DAB1: variants seen among roughly 807,000 people sequenced by gnomAD.
DAB1 encodes the protein DAB adaptor protein 1, also known as disabled homolog 1.
Under a neutral mutation model 64.6 loss-of-function variants are expected in DAB1, and 15 were observed. That is an observed-to-expected ratio of 0.23 (90% CI 0.16 to 0.36). The LOEUF (loss-of-function observed/expected upper bound fraction) is 0.36. DAB1 is among the 10% of genes least tolerant of loss of function. The pLI is 1.00. For missense variants in DAB1, 596 were observed against 706.7 expected, an observed-to-expected ratio of 0.84 and a Z score of 1.78; for synonymous variants, 235 against 251.9, an observed-to-expected ratio of 0.93 and a Z score of 0.64.
At chr1:57,657,146 CA>C (rs1231123215) in intron 6 of DAB1, among the ~76,000 whole-genome samples, 1 of 152,150 alleles carries the variant, frequency 6.6e-6, no homozygotes, top group Non-Finnish European at 1.5e-5. Flanking sequence ...ATTAAGACCA[CA>C]AATCTCAATT....
At chr1:57,992,845 A>G (rs1337199476) in intron 5 of DAB1, among the ~76,000 whole-genome samples, 3 of 152,002 alleles carry the variant, frequency 2.0e-5, no homozygotes, top group Non-Finnish European at 2.9e-5. Context: ...TGAACCTCTC[A>G]GTGGCCAGGA....
intron 7 of DAB1, among the ~76,000 whole-genome samples, chr1:57,437,930 C>T (rs978884058): frequency 6.6e-6 from 1 of 152,224 alleles, no homozygotes; most frequent in African/African-American, 2.4e-5. Flanking sequence ...CTCCAGCCCC[C>T]GCTCTGCCTC....
chr1:57,812,076 T>C (rs889359051), intron 6 of DAB1, among the ~76,000 whole-genome samples: 3 of 151,958 alleles, frequency 2.0e-5, no homozygotes, highest in Non-Finnish European at 4.4e-5. Flanking sequence ...AAATAGAATT[T>C]CCTCTTCTGA....
At chr1:58,522,293 C>T (rs1646277009) in intron 2 of DAB1, among the ~76,000 whole-genome samples, 1 of 152,064 alleles carries the variant, frequency 6.6e-6, no homozygotes, top group African/African-American at 2.4e-5. Flanking sequence ...CAAACCTGCA[C>T]ATCTGCACAT....
chr1:57,886,163 C>CTTTTTTT (rs36101963), upstream of DAB1, among the ~76,000 whole-genome samples: 2 of 129,484 alleles, frequency 1.5e-5, no homozygotes, highest in Non-Finnish European at 1.6e-5. Context: ...GCCTACTATT[C>CTTTTTTT]TTTTTTTTTT....
chr1:57,467,943 T>C (rs1210919725), intron 7 of DAB1, among the ~76,000 whole-genome samples: 1 of 152,162 alleles, frequency 6.6e-6, no homozygotes, highest in African/African-American at 2.4e-5. Flanking sequence ...TCCCACTATT[T>C]ATTGAGCTCA....
Position 58,268,488 on chromosome 1 carries a change from G to A in DAB1, n.309+74864C>T, listed in dbSNP as rs186758455. Among the ~76,000 whole-genome samples the A allele has an allele frequency of 2.6e-5, 4 of 152,260 alleles. No homozygotes were observed. The East Asian group carries it at 7.7e-4, about 29-fold the overall frequency. ...GAAACATGAAGAAGGAACATTTCAAGTCCTCATAAAAGTAGAGCTTTTCCT... is the reference window on the plus strand; with the variant it reads ...GAAACATGAAGAAGGAACATTTCAAATCCTCATAAAAGTAGAGCTTTTCCT... On this transcript the variant is annotated intron_variant and non_coding_transcript_variant, in intron 4 of 20. Transcript: ENST00000485760.
intron 7 of DAB1, among the ~76,000 whole-genome samples, chr1:57,437,122 T>C (rs972285459): frequency 6.0e-5 from 9 of 150,842 alleles, no homozygotes; most frequent in South Asian, 4.2e-4. Context: ...GATAGAGAAA[T>C]GCAAGCTTCA....
intron 2 of DAB1, among the ~76,000 whole-genome samples, chr1:57,152,797 G>A (rs1432682412): frequency 6.6e-6 from 1 of 152,032 alleles, no homozygotes; most frequent in East Asian, 1.9e-4. Context: ...TATTGTTATA[G>A]CAACATTATG....
At chr1:58,457,640 A>G (rs1043259910) in intron 3 of DAB1, among the ~76,000 whole-genome samples, 1 of 152,216 alleles carries the variant, frequency 6.6e-6, no homozygotes, top group African/African-American at 2.4e-5. Context: ...CCTCCCTGTC[A>G]TGGAGTCTCA....
chr1:57,238,683 T>C (rs169100), intron 2 of DAB1, among the ~76,000 whole-genome samples: 10,527 of 152,160 alleles, frequency 0.069, 799 homozygotes, highest in African/African-American at 0.19. Context: ...CTCCAGGGCA[T>C]CTGCACTTCA....
chr1:58,030,933 T>C (rs1167812764), intron 5 of DAB1, among the ~76,000 whole-genome samples: 1 of 152,214 alleles, frequency 6.6e-6, no homozygotes, highest in East Asian at 1.9e-4. Flanking sequence ...TGAAGGACTT[T>C]ATACAATAAG....
chr1:58,053,571 A>G (rs535045298), intron 5 of DAB1, among the ~76,000 whole-genome samples: 1 of 152,260 alleles, frequency 6.6e-6, no homozygotes, highest in Admixed American at 6.5e-5. Flanking sequence ...CCCCAACTCC[A>G]ACACTGGGTA....
At chr1:57,192,531 G>A (rs197106) in intron 2 of DAB1, among the ~76,000 whole-genome samples, 79,415 of 151,974 alleles carry the variant, frequency 0.52, 21,457 homozygotes, top group African/African-American at 0.64. Flanking sequence ...TAAGGGTTCA[G>A]TCAAGGGTGA....
At chr1:58,261,723 T>A (rs1357592191) in intron 4 of DAB1, among the ~76,000 whole-genome samples, 1 of 152,108 alleles carries the variant, frequency 6.6e-6, no homozygotes, top group Admixed American at 6.5e-5. Flanking sequence ...TGTTTTTGTT[T>A]TTGTTTTTGT....
At chr1:57,346,767 A>G (rs1300128206) in intron 1 of DAB1, among the ~76,000 whole-genome samples, 1 of 152,170 alleles carries the variant, frequency 6.6e-6, no homozygotes, top group Non-Finnish European at 1.5e-5. Context: ...TGAACTGACC[A>G]ATTTTCAGAC....
intron 8 of DAB1, among the ~76,000 whole-genome samples, chr1:57,068,907 A>G (rs1651187337): frequency 6.6e-6 from 1 of 152,214 alleles, no homozygotes; most frequent in Non-Finnish European, 1.5e-5. Flanking sequence ...ATAAGGGTAA[A>G]GCCTTTAGCT....
At chr1:57,583,978 A>G (rs1645347974) in intron 7 of DAB1, among the ~76,000 whole-genome samples, 3 of 152,142 alleles carry the variant, frequency 2.0e-5, no homozygotes, top group Non-Finnish European at 4.4e-5. Flanking sequence ...ATGGCCTGAG[A>G]AGGACTCCGT....
At chr1:58,477,111 T>C (rs1162458031) in intron 3 of DAB1, among the ~76,000 whole-genome samples, 1 of 152,230 alleles carries the variant, frequency 6.6e-6, no homozygotes, top group Non-Finnish European at 1.5e-5. Context: ...CTTGAATGCA[T>C]ACTTGGACCA....
Sources: gnomAD v4.1 joint callset for allele counts (sites outside exome capture counted in the v4.1 genomes callset) on GRCh38, gnomAD v4.1.1 for gene constraint, MANE v1.5 for transcripts, NCBI Gene and HGNC (gene_info 2026-07-23, HGNC 2026-07-21) for gene names.